The following SH3BP4 variants were observed in gnomAD, a reference collection of about 807,000 sequenced individuals.
SH3BP4 encodes the protein SH3 domain binding protein 4.
SH3BP4 carries 33 observed loss-of-function variants against 65.5 expected under a neutral mutation model. The ratio of observed to expected loss-of-function variants is 0.50; its 90% CI spans 0.38 to 0.67. The LOEUF is 0.67. SH3BP4 is among the 30% of genes least tolerant of loss of function. SH3BP4 has a pLI of 0.00. For missense variants in SH3BP4, 1,134 were observed against 1,261.4 expected (o/e 0.90, Z 1.53); for synonymous variants, 552 against 545.5 (o/e 1.01, Z -0.17).
intron 1 of SH3BP4, among the ~76,000 whole-genome samples, chr2:234,963,338 TTA>T (rs1491391582): frequency 6.6e-6 from 1 of 152,190 alleles, no homozygotes; most frequent in Non-Finnish European, 1.5e-5. Flanking sequence ...GAACTTATAA[TTA>T]TATTAATTGT....
At chr2:235,031,854 G>C (rs919877586) in intron 2 of SH3BP4, among the ~76,000 whole-genome samples, 1 of 152,244 alleles carries the variant, frequency 6.6e-6, no homozygotes, top group Non-Finnish European at 1.5e-5. Flanking sequence ...AGCAGCCTGC[G>C]TGGAGCCCCA....
At position 235,030,133 on chromosome 2, in the gene SH3BP4, G is replaced by A. The variant is rs978341699; in HGVS notation, c.-132-4738G>A. Among the ~76,000 whole-genome samples, 7 of 152,066 alleles carry A rather than the reference G, an allele frequency of 4.6e-5. No homozygotes were observed. Among genetic ancestry groups the A allele is most frequent in the African/African-American group, 1.4e-4 (6 of 41,392 alleles). Reference sequence around the variant, plus strand: ...AGAGCAGACTGATTTTTTTAAAAGCGGTGAGCACTGTCCAGAAGTGTTGTA... The same window carrying A: ...AGAGCAGACTGATTTTTTTAAAAGCAGTGAGCACTGTCCAGAAGTGTTGTA... On this transcript the variant is annotated intron_variant, in intron 2 of 5. Transcript: ENST00000392011. This position sits in a 1 kb window ranked among gnomAD's most constrained non-coding sequence, Gnocchi z 4.1.
At chr2:234,987,476 G>A (rs543097339) in intron 1 of SH3BP4, among the ~76,000 whole-genome samples, 43 of 152,298 alleles carry the variant, frequency 2.8e-4, no homozygotes, top group Non-Finnish European at 5.4e-4. Flanking sequence ...GAGTCATTTA[G>A]CAAAGGTCGT....
rs950667090 is a variant in SH3BP4, at chr2:234,976,211, C to T, written c.-206-19092C>T. Among the ~76,000 whole-genome samples the T allele has an allele frequency of 5.9e-5, 9 of 152,290 alleles. No homozygotes were observed. Among genetic ancestry groups the T allele is most frequent in the African/African-American group, 1.7e-4 (7 of 41,568 alleles). On this transcript the variant is annotated intron_variant, in intron 1 of 5. Transcript: ENST00000392011. This position sits in a 1 kb window ranked among gnomAD's most constrained non-coding sequence, Gnocchi z 4.7. The stretch of plus-strand genomic sequence containing the variant: ...GAAGAGCGGCTCCTGCGGGGTGGCC[C>T]GGGTTACCCCAGCAGCAGCCCACCT...
At chr2:234,970,656 G>A (rs966368453) in intron 1 of SH3BP4, among the ~76,000 whole-genome samples, 1 of 152,324 alleles carries the variant, frequency 6.6e-6, no homozygotes, top group Non-Finnish European at 1.5e-5. Context: ...GCCTTCCCTC[G>A]GGGCGCCCGC....
At chr2:235,010,949 C>G (rs949894640) in intron 2 of SH3BP4, among the ~76,000 whole-genome samples, 2 of 150,418 alleles carry the variant, frequency 1.3e-5, no homozygotes, top group Non-Finnish European at 3.0e-5. Flanking sequence ...CTTTCTCTCT[C>G]TCCTAGAACC....
intron 2 of SH3BP4, among the ~76,000 whole-genome samples, chr2:235,019,474 T>A (rs1220437361): frequency 6.7e-6 from 1 of 149,862 alleles, no homozygotes; most frequent in African/African-American, 2.5e-5. Flanking sequence ...TTCGATTTTG[T>A]TGCCCAGGCT....
chr2:234,986,025 C>T (rs1335557559), intron 1 of SH3BP4, among the ~76,000 whole-genome samples: 4 of 146,348 alleles, frequency 2.7e-5, no homozygotes, highest in Admixed American at 1.4e-4. Context: ...ATAGGGTCCA[C>T]GTGCAGGTGT....
At chr2:234,985,675 C>T (rs1224398084) in intron 1 of SH3BP4, among the ~76,000 whole-genome samples, 2 of 152,220 alleles carry the variant, frequency 1.3e-5, no homozygotes, top group Non-Finnish European at 2.9e-5. Context: ...GTAGCATCCT[C>T]CCTTGATGTA....
intron 1 of SH3BP4, among the ~76,000 whole-genome samples, chr2:234,986,093 T>A (rs1364952469): frequency 1.6e-3 from 227 of 139,434 alleles, no homozygotes; most frequent in African/African-American, 5.8e-3. Flanking sequence ...AACCAGCCCT[T>A]GACACAAACC....
At chr2:235,048,450 C>T (rs2106341795) in intron 4 of SH3BP4, among the ~76,000 whole-genome samples, 1 of 152,220 alleles carries the variant, frequency 6.6e-6, no homozygotes, top group East Asian at 1.9e-4. Context: ...CCCACCTCAG[C>T]CTCCCAAGTA....
Position 235,035,100 on chromosome 2 carries a change from C to G in SH3BP4, c.98C>G (p.Thr33Arg), listed in dbSNP as rs777418842. ...LIDLSEGFSE[T>R]SFNDIKVPSP... Reference sequence around the variant, plus strand: ...GACCTGAGCGAAGGGTTTTCAGAGACGAGCTTTAATGACATCAAAGGTGAG... The same window carrying G: ...GACCTGAGCGAAGGGTTTTCAGAGAGGAGCTTTAATGACATCAAAGGTGAG... The change falls in exon 3 of 6, where the codon ACG becomes AGG. Residue 33 changes from threonine (T) to arginine (R), a missense_variant. Coordinates refer to ENST00000392011, the MANE Select transcript of SH3BP4 (RefSeq NM_014521.3). The surrounding 1 kb of genome is among the most constrained non-coding windows in gnomAD (Gnocchi z 5.0). The G allele has an allele frequency of 3.7e-5, 59 of 1,613,386 alleles. No individual in the cohort carries two copies. Among genetic ancestry groups the G allele is most frequent in the Admixed American group, 2.8e-4 (17 of 59,996 alleles).
At position 235,034,756 on chromosome 2, in the gene SH3BP4, G is replaced by A. The variant is rs1360343110; in HGVS notation, c.-132-115G>A. 1.6e-5 allele frequency: 8 copies of A among 494,540 alleles called. No homozygotes were observed. Among genetic ancestry groups the A allele is most frequent in the Admixed American group, 3.3e-5 (1 of 30,702 alleles). 30.6% of individuals were successfully genotyped at this position (494,540 alleles called of 1,614,324 possible). On this transcript the variant is annotated intron_variant, in intron 2 of 5. Transcript: ENST00000392011. This position sits in a 1 kb window ranked among gnomAD's most constrained non-coding sequence, Gnocchi z 6.2. ...TGTTGGGCCAGGAAAGATGAAATGG[G>A]TCTGTCCTCATTAGAACAGCCTGGA...
chr2:235,013,690 C>T (rs895199489), intron 2 of SH3BP4, among the ~76,000 whole-genome samples: 7 of 152,152 alleles, frequency 4.6e-5, no homozygotes, highest in Non-Finnish European at 1.0e-4. Flanking sequence ...CTGCTCTGTC[C>T]TTTTATTCCC....
At chr2:234,998,932 GC>G (rs1694013048) in intron 2 of SH3BP4, among the ~76,000 whole-genome samples, 1 of 152,162 alleles carries the variant, frequency 6.6e-6, no homozygotes, top group Non-Finnish European at 1.5e-5. Flanking sequence ...ACCTGCCAAG[GC>G]CTGACCTCCC....
At chr2:234,999,469 TGTTA>T (rs1049909146) in intron 2 of SH3BP4, among the ~76,000 whole-genome samples, 3 of 152,222 alleles carry the variant, frequency 2.0e-5, no homozygotes, top group African/African-American at 7.2e-5. Context: ...CCCACCCTGT[TGTTA>T]GTTCATTCCT....
chr2:235,040,755 T>C (rs1372034183), intron 3 of SH3BP4, 133 bp from the exon 4 acceptor site: 2 of 747,228 alleles, frequency 2.7e-6, no homozygotes, highest in Non-Finnish European at 4.4e-6. Flanking sequence ...TTCACTTTGG[T>C]TTGTTTCTGT....
Position 234,961,619 on chromosome 2 carries a change from G to A in SH3BP4, c.-207+9449G>A, listed in dbSNP as rs76445394. 5.7e-3 allele frequency among the ~76,000 whole-genome samples: 875 copies of A among 152,192 alleles called. 5 individuals carry two copies. Among genetic ancestry groups the A allele is most frequent in the African/African-American group, 0.02 (821 of 41,510 alleles). On this transcript the variant is annotated intron_variant, in intron 1 of 5. Transcript: ENST00000392011. ...TGCTTGTCAGCGTGCAGTTCATCAT[G>A]CCTTGCTTCTTTTGTCTTGTGTACA...
intron 4 of SH3BP4, among the ~76,000 whole-genome samples, chr2:235,049,103 T>G (rs1695966457): frequency 6.6e-6 from 1 of 152,198 alleles, no homozygotes; most frequent in South Asian, 2.1e-4. Context: ...AAAAGTTGTG[T>G]AAGTGAGTGA....
Sources: gnomAD v4.1 joint callset for allele counts (sites outside exome capture counted in the v4.1 genomes callset) on GRCh38, gnomAD v4.1.1 for gene constraint, Gnocchi (gnomAD v3.1) non-coding constraint, MANE v1.5 for transcripts, NCBI Gene and HGNC (gene_info 2026-07-23, HGNC 2026-07-21) for gene names.